The following TRIM49C variants were observed in gnomAD, a reference collection of about 807,000 sequenced individuals.
TRIM49C encodes the protein tripartite motif-containing protein 49C.
In TRIM49C, 6 loss-of-function variants were observed where a neutral mutation model predicts 21.4. The observed-to-expected ratio is 0.28, with a 90% confidence interval of 0.15 to 0.55. The LOEUF (loss-of-function observed/expected upper bound fraction) is 0.55, where lower values mean the gene tolerates loss of function less well. TRIM49C is among the 20% of genes least tolerant of loss of function. TRIM49C has a pLI of 0.94. For synonymous variants in TRIM49C, 57 were observed against 148.1 expected (o/e 0.38, Z 4.47); for missense variants, 161 against 442.4 (o/e 0.36, Z 5.71).
Position 90,032,448 on chromosome 11 carries a change from A to C in TRIM49C, c.-139A>C, listed in dbSNP as rs1174858193. 4 of 129,756 alleles carry C rather than the reference A, an allele frequency of 3.1e-5. 1 individual carries two copies. Among genetic ancestry groups the C allele is most frequent in the African/African-American group, 1.3e-4 (4 of 31,780 alleles). 8.0% of individuals were successfully genotyped at this position (129,756 alleles called of 1,614,324 possible). A position where few individuals can be genotyped will look rare whatever the true frequency, so the allele number is the denominator to read the frequency against. The stretch of plus-strand genomic sequence containing the variant: ...CAAGCTCAGTTTTCTCTGAAGGAGA[A>C]GGACTGCACTTAGAACTGCATTTTG... On this transcript the variant is annotated 5_prime_UTR_variant, in exon 2 of 8. Transcript: ENST00000448984.
At chr11:90,034,889 T>C (rs1950714175) in intron 2 of TRIM49C, among the ~76,000 whole-genome samples, 1 of 137,052 alleles carries the variant, frequency 7.3e-6, no homozygotes, top group South Asian at 2.5e-4. Context: ...ACAACTATGA[T>C]TTATTCTGAC....
the TRIM49C span, among the ~76,000 whole-genome samples, chr11:90,048,755 T>C: frequency 8.0e-6 from 1 of 125,500 alleles, no homozygotes; most frequent in Admixed American, 8.9e-5. Flanking sequence ...TGAAGACTTC[T>C]TCTCTCAACT....
chr11:90,069,749 GGTGA>G, the TRIM49C span, among the ~76,000 whole-genome samples: 5 of 112,216 alleles, frequency 4.5e-5, 1 homozygote, highest in Non-Finnish European at 7.2e-5. Context: ...AAGCATGGTA[GGTGA>G]GTGTTATTCC....
the TRIM49C span, among the ~76,000 whole-genome samples, chr11:90,069,019 G>T: frequency 7.8e-6 from 1 of 128,528 alleles, no homozygotes. Context: ...GTGACGCATT[G>T]TGATAAGTGC....
the TRIM49C span, among the ~76,000 whole-genome samples, chr11:90,069,820 T>C: frequency 9.7e-6 from 1 of 103,118 alleles, no homozygotes; most frequent in Non-Finnish European, 1.9e-5. Flanking sequence ...GTCAAGTGTA[T>C]ATGGAGACCA....
intron 6 of TRIM49C, among the ~76,000 whole-genome samples, chr11:90,039,541 T>A (rs1470932378): frequency 7.6e-6 from 1 of 131,892 alleles, no homozygotes; most frequent in Non-Finnish European, 1.6e-5. Flanking sequence ...CCCCGCTATT[T>A]CAGACAAAGA....
At chr11:90,067,713 A>C in the TRIM49C span, among the ~76,000 whole-genome samples, 1 of 140,244 alleles carries the variant, frequency 7.1e-6, no homozygotes, top group Non-Finnish European at 1.5e-5. Context: ...ATTAACGCAT[A>C]TTTTATATGT....
At chr11:90,031,705 G>A (rs1232014245) in intron 1 of TRIM49C, among the ~76,000 whole-genome samples, 1 of 151,104 alleles carries the variant, frequency 6.6e-6, no homozygotes, top group African/African-American at 2.4e-5. Context: ...TAAATTCAAT[G>A]AGAGACCCCA....
Position 90,041,305 on chromosome 11 carries a change from G to T in TRIM49C, c.1114G>T (p.Asp372Tyr), listed in dbSNP as rs771689087. 1 of 1,589,892 alleles carries T rather than the reference G, an allele frequency of 6.3e-7. No individual in the cohort carries two copies. The highest frequency in any genetic ancestry group is 1.1e-5 in the South Asian group (1 of 88,366). Reference protein sequence around the residue: ...RKEKNQNEKIDGKEGLFLLGC... With the variant: ...RKEKNQNEKIYGKEGLFLLGC... ...GGAGAAGAATCAGAATGAGAAGATA[G>T]ATGGAAAGGAGGGACTCTTTCTTCT... Residue 372 changes from aspartate to tyrosine, a missense_variant, in exon 8 of 8, where the codon GAT (aspartate) becomes TAT (tyrosine). Physicochemically the swap from Asp to Tyr is radical, Grantham distance 160. Around this residue, in one of 3 missense-constraint regions of TRIM49C, gnomAD observed 63 missense variants for 67.6 expected, o/e 0.93. Coordinates refer to ENST00000448984, the MANE Select transcript of TRIM49C (RefSeq NM_001195234.1).
chr11:90,043,401 T>G (rs1378308248), downstream of TRIM49C, among the ~76,000 whole-genome samples: 1 of 129,550 alleles, frequency 7.7e-6, no homozygotes, highest in Non-Finnish European at 1.6e-5. Context: ...CAGTCCAGCC[T>G]GTGACAGAAT....
chr11:90,042,579 C>A (rs1486056372), downstream of TRIM49C, among the ~76,000 whole-genome samples: 2 of 120,662 alleles, frequency 1.7e-5, no homozygotes, highest in Non-Finnish European at 3.4e-5. Context: ...AAGAATTAAT[C>A]CACCAGTTGT....
the TRIM49C span, among the ~76,000 whole-genome samples, chr11:90,056,015 G>A: frequency 8.1e-6 from 1 of 122,900 alleles, no homozygotes; most frequent in African/African-American, 3.0e-5. Context: ...CCGGATTGCA[G>A]TGGCACAATC....
At chr11:90,052,682 G>C in the TRIM49C span, 1 of 148,362 alleles carries the variant, frequency 6.7e-6, no homozygotes, top group Non-Finnish European at 1.5e-5. Flanking sequence ...AGGGACCCTC[G>C]TGTGGACACC....
chr11:90,066,202 TAG>T, the TRIM49C span, among the ~76,000 whole-genome samples: 1 of 133,084 alleles, frequency 7.5e-6, no homozygotes. Context: ...GTATTTTTAC[TAG>T]AGACAGGGTT....
chr11:90,033,668 G>C (rs1950702518), intron 2 of TRIM49C, among the ~76,000 whole-genome samples: 1 of 135,240 alleles, frequency 7.4e-6, no homozygotes, highest in Non-Finnish European at 1.6e-5. Flanking sequence ...GCCTGGCTGG[G>C]CACTGTGGCG....
rs1415182455 is a variant in TRIM49C, at chr11:90,039,259, A to G, written c.761+544A>G. On this transcript the variant is annotated intron_variant, in intron 6 of 7. Coordinates refer to ENST00000448984, the MANE Select transcript of TRIM49C (RefSeq NM_001195234.1). Reference sequence around the variant, plus strand: ...TTGCTTGAAAGCCTGCACAGGAGAAAGATAAGAGTTTTGTTTTGTGAATGG... The same window carrying G: ...TTGCTTGAAAGCCTGCACAGGAGAAGGATAAGAGTTTTGTTTTGTGAATGG... Among the ~76,000 whole-genome samples, 31 of 127,988 alleles carry G rather than the reference A, an allele frequency of 2.4e-4. 8 individuals are homozygous for G. The highest frequency in any genetic ancestry group is 3.5e-4 in the Admixed American group (4 of 11,322). The allele number at this position is 127,988 out of a possible 152,430, so 84.0% of individuals were successfully genotyped here. A position where few individuals can be genotyped will look rare whatever the true frequency, so the allele number is the denominator to read the frequency against.
chr11:90,066,199 T>C, the TRIM49C span, among the ~76,000 whole-genome samples: 2 of 133,016 alleles, frequency 1.5e-5, no homozygotes, highest in South Asian at 2.6e-4. Context: ...TTTGTATTTT[T>C]ACTAGAGACA....
chr11:90,054,688 C>T, the TRIM49C span, among the ~76,000 whole-genome samples: 1 of 132,348 alleles, frequency 7.6e-6, no homozygotes, highest in Non-Finnish European at 1.6e-5. Context: ...GTAAGTAATT[C>T]TTGGTGATAT....
the TRIM49C span, chr11:90,071,062 G>A: frequency 2.1e-6 from 1 of 475,202 alleles, no homozygotes; most frequent in Admixed American, 2.9e-5. Context: ...TCCCAAAGTG[G>A]TGGGATTACA....
Sources: gnomAD v4.1 joint callset for allele counts (sites outside exome capture counted in the v4.1 genomes callset) on GRCh38, gnomAD v4.1.1 for gene constraint, gnomAD v4.1.1 regional missense constraint, MANE v1.5 for transcripts, NCBI Gene and HGNC (gene_info 2026-07-23, HGNC 2026-07-21) for gene names.